Variants in EYA1 observed in about 807,000 individuals in gnomAD.
EYA1 encodes EYA transcriptional coactivator and phosphatase 1.
A neutral mutation model predicts 82.0 loss-of-function variants in EYA1; 16 were observed. That is an observed-to-expected ratio of 0.20 (90% CI 0.13 to 0.30). The LOEUF is 0.30. Ranked by LOEUF, EYA1 falls within the 10% of genes least tolerant of loss-of-function variation. The probability of loss-of-function intolerance (pLI) is 1.00; values close to 1 mark genes in which losing one functional copy is unlikely to be tolerated. For synonymous variants in EYA1, 261 were observed against 264.4 expected (o/e 0.99, Z 0.12); for missense variants, 633 against 730.7 (o/e 0.87, Z 1.54).
At chr8:71,241,194 A>G (rs1354126560) in intron 12 of EYA1, among the ~76,000 whole-genome samples, 2 of 152,172 alleles carry the variant, frequency 1.3e-5, no homozygotes, top group Non-Finnish European at 1.5e-5. Flanking sequence ...ATGGTACAGA[A>G]AACATTTTTT....
At chr8:71,503,832 C>A (rs1811995434) in intron 2 of EYA1, among the ~76,000 whole-genome samples, 1 of 152,144 alleles carries the variant, frequency 6.6e-6, no homozygotes, top group African/African-American at 2.4e-5. Context: ...CAGACCACAG[C>A]AGGGTCTGGA....
intron 16 of EYA1, among the ~76,000 whole-genome samples, chr8:71,214,315 G>A (rs1289374527): frequency 2.0e-5 from 3 of 151,850 alleles, no homozygotes; most frequent in Non-Finnish European, 4.4e-5. Flanking sequence ...AGCTACCCAG[G>A]GCCACTCACA....
At position 71,356,733 on chromosome 8, in the gene EYA1, A is replaced by T. The variant is rs1006961263; in HGVS notation, c.-54-222T>A. 2.4e-5 allele frequency: 30 copies of T among 1,224,494 alleles called. No homozygotes were observed. In the African/African-American group the frequency reaches 4.2e-4, roughly 17 times the overall value. 75.9% of individuals were successfully genotyped at this position (1,224,494 alleles called of 1,614,324 possible). ...TCCTCCTCCCCTTGTCAGGGGGGGA[A>T]GGCAGCCAAATGACGTGATAGTGAT... On this transcript the variant is annotated intron_variant, in intron 1 of 17. Coordinates refer to ENST00000340726, the MANE Select transcript of EYA1 (RefSeq NM_000503.6).
At chr8:71,392,254 C>T (rs1226535502) in intron 2 of EYA1, among the ~76,000 whole-genome samples, 2 of 152,170 alleles carry the variant, frequency 1.3e-5, no homozygotes, top group Non-Finnish European at 2.9e-5. Flanking sequence ...CTCCTGAAGA[C>T]TTTACCCCCG....
At chr8:71,496,250 C>T (rs1171041892) in intron 2 of EYA1, among the ~76,000 whole-genome samples, 1 of 152,176 alleles carries the variant, frequency 6.6e-6, no homozygotes, top group Non-Finnish European at 1.5e-5. Context: ...TCTAATTGCT[C>T]TTGTTTTGCA....
chr8:71,399,277 T>G (rs780546159), intron 2 of EYA1, among the ~76,000 whole-genome samples: 16 of 151,432 alleles, frequency 1.1e-4, no homozygotes, highest in Non-Finnish European at 1.8e-4. Flanking sequence ...CTCCATGGGC[T>G]GAACCCACTG....
intron 2 of EYA1, among the ~76,000 whole-genome samples, chr8:71,513,348 T>A (rs1209774982): frequency 6.6e-6 from 1 of 152,132 alleles, no homozygotes; most frequent in Admixed American, 6.6e-5. Context: ...GGGAAAGAAC[T>A]GAGAAGTGGA....
intron 9 of EYA1, among the ~76,000 whole-genome samples, chr8:71,289,509 ACT>A (rs1384961527): frequency 2.6e-5 from 4 of 152,034 alleles, no homozygotes; most frequent in African/African-American, 9.7e-5. Context: ...TACCTTTAGG[ACT>A]CTCTGTTTAC....
intron 2 of EYA1, among the ~76,000 whole-genome samples, chr8:71,472,591 T>C (rs1809290538): frequency 6.6e-6 from 1 of 151,826 alleles, no homozygotes. Flanking sequence ...CAATCTATTC[T>C]TCGTAATATT....
At chr8:71,326,467 C>T (rs1354230596) in intron 4 of EYA1, among the ~76,000 whole-genome samples, 1 of 152,048 alleles carries the variant, frequency 6.6e-6, no homozygotes, top group Admixed American at 6.6e-5. Flanking sequence ...AGAAGAAGCA[C>T]CTCCTGATTC....
intron 11 of EYA1, among the ~76,000 whole-genome samples, chr8:71,258,783 C>T (rs968180440): frequency 3.9e-5 from 6 of 152,188 alleles, no homozygotes; most frequent in African/African-American, 1.4e-4. Flanking sequence ...TCTTAACTAT[C>T]TTGTAAATAA....
At chr8:71,485,104 C>T (rs558851069) in intron 2 of EYA1, among the ~76,000 whole-genome samples, 46 of 152,292 alleles carry the variant, frequency 3.0e-4, no homozygotes, top group African/African-American at 1.1e-3. Context: ...TTTCAAACTG[C>T]TTATTGGTAT....
chr8:71,385,928 T>C (rs1828945840), intron 2 of EYA1, among the ~76,000 whole-genome samples: 1 of 152,154 alleles, frequency 6.6e-6, no homozygotes, highest in African/African-American at 2.4e-5. Context: ...TTAGCACTAA[T>C]AGAGATCAGG....
intron 2 of EYA1, among the ~76,000 whole-genome samples, chr8:71,462,217 C>G (rs1008067924): frequency 2.6e-5 from 4 of 152,146 alleles, no homozygotes; most frequent in African/African-American, 7.2e-5. Flanking sequence ...TACCTGCAGG[C>G]CAGTATTTGA....
chr8:71,326,608 T>C (rs138474831), intron 4 of EYA1, among the ~76,000 whole-genome samples: 2 of 152,294 alleles, frequency 1.3e-5, no homozygotes, highest in African/African-American at 4.8e-5. Context: ...GCACCAGGGA[T>C]ACTAAGGCAG....
At chr8:71,470,791 A>G in intron 2 of EYA1, 1 of 444,724 alleles carries the variant, frequency 2.2e-6, no homozygotes, top group Non-Finnish European at 4.5e-6. Context: ...TGGCTAAAAG[A>G]TGTATGTAGC....
chr8:71,298,189 A>AT (rs1387833316), intron 9 of EYA1, among the ~76,000 whole-genome samples: 3 of 152,126 alleles, frequency 2.0e-5, no homozygotes, highest in Non-Finnish European at 4.4e-5. Context: ...CAGAGAGGTA[A>AT]TTTTTTCAAT....
intron 4 of EYA1, among the ~76,000 whole-genome samples, chr8:71,327,723 G>C (rs1462261359): frequency 6.6e-6 from 1 of 152,130 alleles, no homozygotes; most frequent in Non-Finnish European, 1.5e-5. Flanking sequence ...AAGGCTTGCA[G>C]GTGCTAGGGC....
chr8:71,437,635 T>C (rs1379480844), intron 2 of EYA1, among the ~76,000 whole-genome samples: 1 of 152,160 alleles, frequency 6.6e-6, no homozygotes, highest in African/African-American at 2.4e-5. Context: ...TGAGCATATT[T>C]AGAAGACTGA....
Sources: allele counts gnomAD v4.1 joint callset (sites outside exome capture counted in the v4.1 genomes callset), GRCh38; gene constraint gnomAD v4.1.1; transcripts MANE v1.5; gene names NCBI Gene and HGNC (gene_info 2026-07-23, HGNC 2026-07-21).